GALNT18: variants seen among roughly 807,000 people sequenced by gnomAD.
GALNT18 encodes the protein GalNAc-transferase 18.
GALNT18 carries 44 observed loss-of-function variants against 69.5 expected under a neutral mutation model. The ratio of observed to expected loss-of-function variants is 0.63; its 90% CI spans 0.50 to 0.81. The LOEUF (loss-of-function observed/expected upper bound fraction) is 0.81. Ranked by LOEUF, GALNT18 falls within the 40% of genes least tolerant of loss-of-function variation. GALNT18 has a pLI of 0.00. For missense variants in GALNT18, 715 were observed against 810.0 expected, an observed-to-expected ratio of 0.88 and a Z score of 1.42; for synonymous variants, 364 against 318.2, an observed-to-expected ratio of 1.14 and a Z score of -1.53.
In GALNT18 at chr11:11,343,978, C is replaced by T. The variant is rs374076635; in HGVS notation, c.1093-2974G>A. 2.3e-4 allele frequency among the ~76,000 whole-genome samples: 35 copies of T among 152,258 alleles called. No homozygotes were observed. The East Asian group carries it at 6.0e-3, about 26-fold the overall frequency. On this transcript the variant is annotated intron_variant, in intron 6 of 10. Transcript: ENST00000227756. The stretch of plus-strand genomic sequence containing the variant: ...CCTGCAGCCACCTCCCTTGTCTAGG[C>T]CGTCGTCATCATCTCTCATTTGGAC...
chr11:11,508,057 T>C (rs1342749150), intron 1 of GALNT18, among the ~76,000 whole-genome samples: 2 of 152,224 alleles, frequency 1.3e-5, no homozygotes, highest in Non-Finnish European at 2.9e-5. Flanking sequence ...AAATTTAACA[T>C]TGATAGACCT....
At chr11:11,453,903 A>G (rs1002292767) in intron 1 of GALNT18, among the ~76,000 whole-genome samples, 5 of 152,182 alleles carry the variant, frequency 3.3e-5, no homozygotes, top group African/African-American at 1.2e-4. Flanking sequence ...ACAGACTAAT[A>G]TAGTCTCCAT....
intron 1 of GALNT18, among the ~76,000 whole-genome samples, chr11:11,453,307 C>T (rs2133826464): frequency 6.6e-6 from 1 of 152,286 alleles, no homozygotes; most frequent in Admixed American, 6.5e-5. Flanking sequence ...TGTTAAACAC[C>T]TGCAAGGCCC....
rs1167558116 is a variant in GALNT18, at chr11:11,582,477, T to C, written c.235+38882A>G. On this transcript the variant is annotated intron_variant, in intron 1 of 10. Transcript: ENST00000227756. The surrounding 1 kb of genome is among the most constrained non-coding windows in gnomAD (Gnocchi z 5.0). The stretch of plus-strand genomic sequence containing the variant: ...GTCTCACTTGCTTGGACCACTGGAA[T>C]AGGAGCAGAAGTGATAAACATGCAC... Among the ~76,000 whole-genome samples the C allele has an allele frequency of 1.3e-5, 2 of 152,230 alleles. No homozygotes were observed. The highest frequency in any genetic ancestry group is 2.4e-5 in the African/African-American group (1 of 41,462).
chr11:11,468,259 G>A (rs1161641478), intron 1 of GALNT18, among the ~76,000 whole-genome samples: 16 of 152,106 alleles, frequency 1.1e-4, no homozygotes, highest in Non-Finnish European at 2.4e-4. Flanking sequence ...ACGTCATAAT[G>A]TTTCATCTTC....
rs1856761457 is a variant in GALNT18, at chr11:11,491,057, C to T, written c.236-42121G>A. On this transcript the variant is annotated intron_variant, in intron 1 of 10. Coordinates refer to ENST00000227756, the MANE Select transcript of GALNT18 (RefSeq NM_198516.3). The stretch of plus-strand genomic sequence containing the variant: ...CCACAGAGGCCAGATCTAGGTCTAG[C>T]AAGTGTCCAGAGAGAGGTGGTCATC... 1.3e-5 allele frequency among the ~76,000 whole-genome samples: 2 copies of T among 152,134 alleles called. 1 individual carries two copies. The highest frequency in any genetic ancestry group is 1.3e-4 in the Admixed American group (2 of 15,278).
At chr11:11,358,826 A>AACACACACACACACACACAC (rs10644506) in intron 6 of GALNT18, among the ~76,000 whole-genome samples, 1,581 of 110,870 alleles carry the variant, frequency 0.014, 196 homozygotes, top group Non-Finnish European at 0.021. Flanking sequence ...ATCCACACAA[A>AACACACACACACACACACAC]ACACACACAC....
At chr11:11,364,647 G>A (rs1850719871) in intron 6 of GALNT18, among the ~76,000 whole-genome samples, 1 of 152,098 alleles carries the variant, frequency 6.6e-6, no homozygotes, top group South Asian at 2.1e-4. Flanking sequence ...CAAAGAAATT[G>A]TATATCAAAA....
chr11:11,445,658 A>G (rs1392212507), intron 2 of GALNT18, among the ~76,000 whole-genome samples: 2 of 152,204 alleles, frequency 1.3e-5, no homozygotes, highest in Non-Finnish European at 2.9e-5. Context: ...TTCCAAGTAC[A>G]TGTGCAAAGA....
At chr11:11,376,324 T>G (rs901254028) in intron 5 of GALNT18, among the ~76,000 whole-genome samples, 1 of 152,024 alleles carries the variant, frequency 6.6e-6, no homozygotes, top group Non-Finnish European at 1.5e-5. Context: ...AGAGGTTTCA[T>G]TGAGCCGAGA....
intron 6 of GALNT18, among the ~76,000 whole-genome samples, chr11:11,363,485 T>C (rs1288888382): frequency 6.6e-6 from 1 of 152,174 alleles, no homozygotes; most frequent in African/African-American, 2.4e-5. Context: ...GTCATTAATA[T>C]GCTGAAACAG....
chr11:11,337,070 C>A lies in GALNT18; in HGVS notation c.1278+3749G>T, dbSNP rs1360577715. Among the ~76,000 whole-genome samples, 1 of 152,128 alleles carries A rather than the reference C, an allele frequency of 6.6e-6. No individual in the cohort carries two copies. Among genetic ancestry groups the A allele is most frequent in the Non-Finnish European group, 1.5e-5 (1 of 68,038 alleles). On this transcript the variant is annotated intron_variant, in intron 7 of 10. Transcript: ENST00000227756. The surrounding 1 kb of genome is among the most constrained non-coding windows in gnomAD (Gnocchi z 4.9). ...AATGGGTGTTACACAAACCTGGCCACCCTAAACTCTCATCTGGAGGGCTTT... is the reference window on the plus strand; with the variant it reads ...AATGGGTGTTACACAAACCTGGCCAACCTAAACTCTCATCTGGAGGGCTTT...
rs3043550 is a variant in GALNT18, at chr11:11,340,100, T to TCTCAA, written c.1278+718_1278+719insTTGAG. 0.92 allele frequency among the ~76,000 whole-genome samples: 139,484 copies of TCTCAA among 151,828 alleles called. 64,396 individuals are homozygous for TCTCAA. Among genetic ancestry groups the TCTCAA allele is most frequent in the East Asian group, 1 (5,168 of 5,170 alleles). ...GGGTTGGAATCATGTGGCTGGCATC[T>TCTCAA]CTCAGTAGTAGAGCTGGGTTCTCTC... On this transcript the variant is annotated intron_variant, in intron 7 of 10. Transcript: ENST00000227756. The surrounding 1 kb of genome is among the most constrained non-coding windows in gnomAD (Gnocchi z 4.2).
chr11:11,391,020 A>G (rs1012868327), intron 3 of GALNT18, among the ~76,000 whole-genome samples: 1 of 151,954 alleles, frequency 6.6e-6, no homozygotes, highest in Non-Finnish European at 1.5e-5. Flanking sequence ...ATCAGTCTGA[A>G]CTCCTTTGCT....
At chr11:11,405,296 A>G (rs989606695) in intron 3 of GALNT18, among the ~76,000 whole-genome samples, 2 of 152,224 alleles carry the variant, frequency 1.3e-5, no homozygotes, top group Non-Finnish European at 2.9e-5. Context: ...CATCACTGTT[A>G]AAAATCATTT....
chr11:11,416,129 G>A (rs539750408), intron 3 of GALNT18, among the ~76,000 whole-genome samples: 61 of 152,316 alleles, frequency 4.0e-4, no homozygotes, highest in African/African-American at 1.4e-3. Context: ...GAGGAAGTGG[G>A]CCTGTGAATT....
At chr11:11,360,728 A>G (rs759684929) in intron 6 of GALNT18, among the ~76,000 whole-genome samples, 3 of 151,986 alleles carry the variant, frequency 2.0e-5, no homozygotes, top group South Asian at 2.1e-4. Context: ...AAATCATGTT[A>G]ATATTCATTT....
chr11:11,499,634 C>G (rs948503836), intron 1 of GALNT18, among the ~76,000 whole-genome samples: 1 of 152,236 alleles, frequency 6.6e-6, no homozygotes, highest in Non-Finnish European at 1.5e-5. Flanking sequence ...TGTTCCAGCC[C>G]TGACCTCCAG....
At chr11:11,394,797 A>T (rs1184384930) in intron 3 of GALNT18, among the ~76,000 whole-genome samples, 1 of 152,122 alleles carries the variant, frequency 6.6e-6, no homozygotes, top group African/African-American at 2.4e-5. Flanking sequence ...CTGATTCTTG[A>T]TCCCTTCCTG....
Sources: gnomAD v4.1 joint callset for allele counts (sites outside exome capture counted in the v4.1 genomes callset) on GRCh38, gnomAD v4.1.1 for gene constraint, Gnocchi (gnomAD v3.1) non-coding constraint, MANE v1.5 for transcripts, NCBI Gene and HGNC (gene_info 2026-07-23, HGNC 2026-07-21) for gene names.